Variants in ZNF311 observed in about 807,000 individuals in gnomAD.
ZNF311 encodes the protein zinc finger protein 311, also known as zinc finger protein zfp31.
A neutral mutation model predicts 22.7 loss-of-function variants in ZNF311; 14 were observed. That is an observed-to-expected ratio of 0.62 (90% confidence interval 0.41 to 0.96). The LOEUF is 0.96. Ranked by LOEUF, ZNF311 falls within the 40% of genes least tolerant of loss-of-function variation. ZNF311 has a pLI of 0.00. For missense variants in ZNF311, 731 were observed against 799.0 expected, an observed-to-expected ratio of 0.91 and a Z score of 1.03; for synonymous variants, 250 against 275.3, an observed-to-expected ratio of 0.91 and a Z score of 0.91.
At chr6:29,004,944 C>T (rs1780989348) in intron 1 of ZNF311, 64 bp downstream of exon 1, 1 of 152,234 alleles carries the variant, frequency 6.6e-6, no homozygotes, top group Non-Finnish European at 1.5e-5. Context: ...CCAAGGAGGT[C>T]TACTCTGAGT....
At chr6:28,998,642 C>T in intron 6 of ZNF311, 92 bp downstream of exon 6, 1 of 837,138 alleles carries the variant, frequency 1.2e-6, no homozygotes, top group Non-Finnish European at 1.9e-6. Context: ...CTTTCTGGGC[C>T]CTTCGACTGG....
chr6:28,999,001 A>T (rs997162442), intron 5 of ZNF311, among the ~76,000 whole-genome samples, 163 bp from the exon 6 acceptor site: 35 of 152,170 alleles, frequency 2.3e-4, no homozygotes, highest in African/African-American at 6.3e-4. Context: ...ATGTAAAAGA[A>T]CATGTTTGGG....
chr6:28,995,292 C>T lies in ZNF311; in HGVS notation c.1710G>A (p.Leu570=), dbSNP rs1452550896. 1 of 1,613,838 alleles carries T rather than the reference C, an allele frequency of 6.2e-7. No individual in the cohort carries two copies. Among genetic ancestry groups the T allele is most frequent in the Non-Finnish European group, 8.5e-7 (1 of 1,179,976 alleles). Residue 570 remains leucine (L), a synonymous_variant, in exon 7 of 7, where the codon CTG becomes CTA. Coordinates refer to ENST00000377179, the MANE Select transcript of ZNF311 (RefSeq NM_001382360.1). This position sits in a 1 kb window ranked among gnomAD's most constrained non-coding sequence, Gnocchi z 4.7. ...CAGTGTGGATTCTTTTGTGCTGCCTCAGGACTGAACTATGATGGAAGGCCA... is the reference window on the plus strand; with the variant it reads ...CAGTGTGGATTCTTTTGTGCTGCCTTAGGACTGAACTATGATGGAAGGCCA... The part of the protein sequence containing the change: ...CGMAFHHSSV[L]RQHKRIHTGE...
Position 28,998,833 on chromosome 6 carries a change from G to C in ZNF311, c.316C>G (p.Pro106Ala). The C allele has an allele frequency of 6.2e-7, 1 of 1,612,014 alleles. No individual in the cohort carries two copies. Among genetic ancestry groups the C allele is most frequent in the Non-Finnish European group, 8.5e-7 (1 of 1,179,252 alleles). Reference sequence around the variant, plus strand: ...GAGATTAAAGGAGGTTTAGGAAATGGAAATCCTGGTTGCAGAGAAGAAATA... The same window carrying C: ...GAGATTAAAGGAGGTTTAGGAAATGCAAATCCTGGTTGCAGAGAAGAAATA... ...NYGNMVSLGFPFPKPPLISHL... is the reference protein window; with the variant it reads ...NYGNMVSLGFAFPKPPLISHL... Residue 106 changes from proline to alanine, a missense_variant, in exon 6 of 7, where the codon CCA becomes GCA. Physicochemically the swap from Pro to Ala is conservative, Grantham distance 27 (BLOSUM62 -1). Transcript: ENST00000377179.
chr6:28,999,649 G>T (rs190236263), intron 4 of ZNF311, 36 bp from the exon 5 acceptor site: 1 of 1,595,218 alleles, frequency 6.3e-7, no homozygotes, highest in East Asian at 2.2e-5. Context: ...TGGAGAAAAC[G>T]CCATAGTTTC....
In ZNF311 at chr6:28,995,857, G is replaced by A; in HGVS notation, c.1145C>T (p.Thr382Ile). The A allele has an allele frequency of 6.2e-7, 1 of 1,613,988 alleles. No homozygotes were observed. The highest frequency in any genetic ancestry group is 8.5e-7 in the Non-Finnish European group (1 of 1,180,010). ...HSLTIHGRIH[T>I]GEKPYECEEC... is the part of the protein sequence containing the mutation. ...CTCACATTCATATGGCTTCTCCCCA[G>A]TGTGGATTCTGCCATGGATGGTAAG... Residue 382 changes from threonine (T) to isoleucine (I), a missense_variant, in exon 7 of 7, where the codon ACT (threonine) becomes ATT (isoleucine). Physicochemically the swap from Thr to Ile is moderately conservative, Grantham distance 89. Transcript: ENST00000377179. This position sits in a 1 kb window ranked among gnomAD's most constrained non-coding sequence, Gnocchi z 4.7.
Position 28,996,098 on chromosome 6 carries a change from G to T in ZNF311, c.904C>A (p.Pro302Thr), listed in dbSNP as rs1449078062. Residue 302 changes from proline (P) to threonine (T), a missense_variant, in exon 7 of 7, where the codon CCT becomes ACT. Transcript: ENST00000377179. The stretch of plus-strand genomic sequence containing the variant: ...TTCCCACACTGGGTGCAATTAAAAG[G>T]TTTCTCCCCTGTGTGGATTATCCGG... ...MHRIIHTGEK[P>T]FNCTQCGKAF... The T allele has an allele frequency of 6.2e-7, 1 of 1,613,174 alleles. No individual in the cohort carries two copies. The highest frequency in any genetic ancestry group is 1.3e-5 in the African/African-American group (1 of 74,876).
intron 1 of ZNF311, among the ~76,000 whole-genome samples, chr6:29,004,442 C>CTTTTTTT (rs9280531): frequency 2.6e-4 from 8 of 30,594 alleles, no homozygotes; most frequent in Admixed American, 4.0e-4. Flanking sequence ...TTCCTCCTTT[C>CTTTTTTT]TTTTTTTTTT....
chr6:29,005,611 A>G (rs949114611), upstream of ZNF311, among the ~76,000 whole-genome samples: 1 of 152,032 alleles, frequency 6.6e-6, no homozygotes, highest in African/African-American at 2.4e-5. Flanking sequence ...ACAGAAATAT[A>G]CAGAAGCTCC....
Position 29,003,697 on chromosome 6 carries a change from C to A in ZNF311, c.10-103G>T. 3.4e-6 allele frequency: 5 copies of A among 1,456,082 alleles called. No homozygotes were observed. In the South Asian group the frequency reaches 5.7e-5, roughly 17 times the overall value. 90.2% of individuals were successfully genotyped at this position (1,456,082 alleles called of 1,614,324 possible). On this transcript the variant is annotated intron_variant, in intron 2 of 6. Transcript: ENST00000377179. ...AGGTCTATCCACAGAAACTGTCTCC[C>A]AGAAATACCAAAAGAAGGGAGAAAA...
chr6:28,997,192 T>C (rs1446252503), intron 6 of ZNF311, among the ~76,000 whole-genome samples: 3 of 152,058 alleles, frequency 2.0e-5, no homozygotes, highest in African/African-American at 7.2e-5. Context: ...TGAGAACTAG[T>C]GGTGGTGGGA....
chr6:29,002,020 T>C (rs1780509503), intron 3 of ZNF311, among the ~76,000 whole-genome samples: 1 of 152,242 alleles, frequency 6.6e-6, no homozygotes, highest in Non-Finnish European at 1.5e-5. Context: ...GTTTTTACCA[T>C]ATCTTCTTCA....
rs774956255 is a variant in ZNF311 at position 28,995,561 on chromosome 6, G to A, written c.1441C>T (p.Arg481Cys). The change falls in exon 7 of 7, where the codon CGT becomes TGT. Residue 481 changes from arginine (R) to cysteine (C), a missense_variant. Arg to Cys is a radical substitution (Grantham distance 180). Coordinates refer to ENST00000377179, the MANE Select transcript of ZNF311 (RefSeq NM_001382360.1). This position sits in a 1 kb window ranked among gnomAD's most constrained non-coding sequence, Gnocchi z 4.7. ...YRCEECGKAF[R>C]HNCKRRAHER... Reference sequence around the variant, plus strand: ...TGAGCCCTGCGCTTACAGTTATGACGAAAGGCTTTCCCACACTCCTCACAC... The same window carrying A: ...TGAGCCCTGCGCTTACAGTTATGACAAAAGGCTTTCCCACACTCCTCACAC... 13 of 1,613,444 alleles carry A rather than the reference G, an allele frequency of 8.1e-6. No homozygotes were observed. The African/African-American group carries it at 9.4e-5, about 12-fold the overall frequency.
Position 28,994,797 on chromosome 6 carries a change from G to C in ZNF311, c.*204C>G, listed in dbSNP as rs1253121643. 1 of 595,568 alleles carries C rather than the reference G, an allele frequency of 1.7e-6. No individual in the cohort carries two copies. The highest frequency in any genetic ancestry group is 2.8e-6 in the Non-Finnish European group (1 of 352,214). The allele number at this position is 595,568 out of a possible 1,614,324, so 36.9% of individuals were successfully genotyped here. ...CCTAGAACACAGCAAGCACTAATAA[G>C]TGTTTATTAATATTAGGAAGTGATT... On this transcript the variant is annotated 3_prime_UTR_variant, in exon 7 of 7. Coordinates refer to ENST00000377179, the MANE Select transcript of ZNF311 (RefSeq NM_001382360.1).
At chr6:29,005,431 C>T (rs1036957156), upstream of ZNF311, 2 of 151,970 alleles carry the variant, frequency 1.3e-5, no homozygotes, top group East Asian at 3.9e-4. Context: ...CGACTCCCTC[C>T]TCAAATCTGG....
In ZNF311 at chr6:29,004,012, G is replaced by C. The variant is rs1445306938; in HGVS notation, c.-58C>G. On this transcript the variant is annotated 5_prime_UTR_variant, in exon 2 of 7. Coordinates refer to ENST00000377179, the MANE Select transcript of ZNF311 (RefSeq NM_001382360.1). ...CTGCTGTCCTGGTTTCTTCCTACTG[G>C]TCAGATCCAGTTCTCAAACAAGCTG... 6.2e-7 allele frequency: 1 copy of C among 1,612,788 alleles called. No individual in the cohort carries two copies. Among genetic ancestry groups the C allele is most frequent in the Non-Finnish European group, 8.5e-7 (1 of 1,179,892 alleles).
rs185510621 is a variant in ZNF311 at position 28,995,968 on chromosome 6, C to T, written c.1034G>A (p.Arg345His). 29 of 1,613,506 alleles carry T rather than the reference C, an allele frequency of 1.8e-5. No individual in the cohort carries two copies. In the South Asian group the frequency reaches 2.2e-4, roughly 12 times the overall value. The change falls in exon 7 of 7, where the codon CGT becomes CAT. Residue 345 changes from arginine (R) to histidine (H), a missense_variant. Arg to His is a conservative substitution (Grantham distance 29). Coordinates refer to ENST00000377179, the MANE Select transcript of ZNF311 (RefSeq NM_001382360.1). The surrounding 1 kb of genome is among the most constrained non-coding windows in gnomAD (Gnocchi z 4.7). ...DCGKAFKTRN[R>H]LCMHQLIHTG... ...GTGGATAAGCTGATGCATACAGAGA[C>T]GGTTCCTGGTCTTGAAGGCCTTCCC...
rs1007575318 is a variant in ZNF311 at position 28,996,540 on chromosome 6, T to C, written c.462A>G (p.Gln154=). The change falls in exon 7 of 7, where the codon CAA becomes CAG. Residue 154 remains glutamine, a synonymous_variant. Transcript: ENST00000377179. ...CTTCTCCATTTTCAAAAATCTCTTGTTGTGAACTTGCCTTTTCATTCTCAG... is the reference window on the plus strand; with the variant it reads ...CTTCTCCATTTTCAAAAATCTCTTGCTGTGAACTTGCCTTTTCATTCTCAG... ...MWPENEKASS[Q]QEIFENGEAY... is the part of the protein sequence containing the mutation. 7 of 1,603,970 alleles carry C rather than the reference T, an allele frequency of 4.4e-6. No individual in the cohort carries two copies. The highest frequency in any genetic ancestry group is 1.7e-5 in the Admixed American group (1 of 59,434).
In ZNF311 at chr6:28,995,450, G is replaced by C. The variant is rs760560200; in HGVS notation, c.1552C>G (p.Gln518Glu). ...FQDKHCLTIH[Q>E]RIHTGEKPYK... ...GGTTTCTCTCCAGTGTGGATTCTCT[G>C]ATGGATGGTAAGGCAGTGCTTATCT... Residue 518 changes from glutamine to glutamate, a missense_variant, in exon 7 of 7, where the codon CAG (glutamine) becomes GAG (glutamate). Physicochemically the swap from Gln to Glu is conservative, Grantham distance 29. Coordinates refer to ENST00000377179, the MANE Select transcript of ZNF311 (RefSeq NM_001382360.1). This position sits in a 1 kb window ranked among gnomAD's most constrained non-coding sequence, Gnocchi z 4.7. 7 of 1,612,906 alleles carry C rather than the reference G, an allele frequency of 4.3e-6. No individual in the cohort carries two copies. Among genetic ancestry groups the C allele is most frequent in the Non-Finnish European group, 4.2e-6 (5 of 1,179,516 alleles).
Sources: gnomAD v4.1 joint callset for allele counts (sites outside exome capture counted in the v4.1 genomes callset) on GRCh38, gnomAD v4.1.1 for gene constraint, Gnocchi (gnomAD v3.1) non-coding constraint, MANE v1.5 for transcripts, NCBI Gene and HGNC (gene_info 2026-07-23, HGNC 2026-07-21) for gene names.